Variants in USH2A observed in about 807,000 individuals in gnomAD.
USH2A encodes the protein usherin.
USH2A carries 443 observed loss-of-function variants against 538.9 expected under a neutral mutation model. The observed-to-expected ratio is 0.82, with a 90% confidence interval of 0.76 to 0.89. The LOEUF is 0.89. USH2A is among the 40% of genes least tolerant of loss of function. The probability of loss-of-function intolerance (pLI) is 0.00; values close to 1 mark genes in which losing one functional copy is unlikely to be tolerated. For missense variants in USH2A, 6,633 were observed against 6,324.8 expected (o/e 1.05, Z -1.65); for synonymous variants, 2,413 against 2,273.5 (o/e 1.06, Z -1.75).
intron 9 of USH2A, among the ~76,000 whole-genome samples, chr1:216,298,954 C>T (rs958032892): frequency 6.6e-6 from 1 of 152,000 alleles, no homozygotes; most frequent in Non-Finnish European, 1.5e-5. Flanking sequence ...CATTCTCCTG[C>T]CTCAACCTCC....
At chr1:215,860,422 A>G (rs1664285094) in intron 44 of USH2A, among the ~76,000 whole-genome samples, 1 of 150,600 alleles carries the variant, frequency 6.6e-6, no homozygotes, top group South Asian at 2.1e-4. Flanking sequence ...GGGGAAAAAA[A>G]CAAAAGAAAA....
intron 30 of USH2A, among the ~76,000 whole-genome samples, chr1:216,068,994 G>T (rs990472798): frequency 2.0e-5 from 3 of 152,144 alleles, no homozygotes; most frequent in Non-Finnish European, 4.4e-5. Flanking sequence ...GGGAGGTAAC[G>T]TGTATAGTTT....
At chr1:215,839,728 C>T (rs11120660) in intron 46 of USH2A, among the ~76,000 whole-genome samples, 13,707 of 151,918 alleles carry the variant, frequency 0.09, 650 homozygotes, top group East Asian at 0.19. Flanking sequence ...ATTTCTAGTG[C>T]TAAAACGATA....
chr1:216,010,594 A>C (rs1668536847), intron 32 of USH2A, among the ~76,000 whole-genome samples: 1 of 151,790 alleles, frequency 6.6e-6, no homozygotes, highest in Admixed American at 6.6e-5. Context: ...CTCACTCCAC[A>C]TCACCTTCTT....
At chr1:216,010,830 C>G (rs1007874043) in intron 32 of USH2A, among the ~76,000 whole-genome samples, 2 of 151,920 alleles carry the variant, frequency 1.3e-5, no homozygotes, top group African/African-American at 4.8e-5. Context: ...CTCATTGCTG[C>G]CCCTCTTCCC....
At chr1:215,935,120 T>C (rs1047312451) in intron 37 of USH2A, among the ~76,000 whole-genome samples, 9 of 152,040 alleles carry the variant, frequency 5.9e-5, no homozygotes, top group South Asian at 2.1e-4. Context: ...AATGTAGAAA[T>C]TGATTACTTG....
At chr1:216,084,062 C>A (rs2032037487) in intron 25 of USH2A, among the ~76,000 whole-genome samples, 2 of 152,038 alleles carry the variant, frequency 1.3e-5, no homozygotes, top group African/African-American at 4.8e-5. Context: ...ATTTGATGAA[C>A]AAGCCGGGTG....
intron 32 of USH2A, among the ~76,000 whole-genome samples, chr1:216,045,002 C>A (rs114060748): frequency 6.6e-6 from 1 of 152,252 alleles, no homozygotes; most frequent in Non-Finnish European, 1.5e-5. Context: ...CCTGTCCACA[C>A]GACTTGCTCC....
intron 56 of USH2A, among the ~76,000 whole-genome samples, chr1:215,762,115 A>G (rs1002771243): frequency 2.6e-5 from 4 of 152,192 alleles, no homozygotes; most frequent in African/African-American, 7.2e-5. Flanking sequence ...TTGTTCTGAG[A>G]GTCTGCTCTG....
chr1:216,394,856 C>T (rs975382831), intron 3 of USH2A, among the ~76,000 whole-genome samples: 2 of 151,404 alleles, frequency 1.3e-5, no homozygotes, highest in East Asian at 3.9e-4. Flanking sequence ...GTAGCTGGGA[C>T]TACAGGCGCC....
intron 37 of USH2A, among the ~76,000 whole-genome samples, chr1:215,964,042 C>G (rs918557838): frequency 8.6e-5 from 13 of 152,024 alleles, no homozygotes; most frequent in Admixed American, 2.6e-4. Context: ...CATTTAATAC[C>G]GTTTTGATGG....
At chr1:215,647,782 A>C (rs745951063) in intron 66 of USH2A, 52 bp from the exon 67 acceptor site, 1 of 1,595,574 alleles carries the variant, frequency 6.3e-7, no homozygotes. Flanking sequence ...AATTAGTTTA[A>C]CTCTCTCTTT....
chr1:215,970,844 A>C (rs140961955), intron 35 of USH2A, 68 bp from the exon 36 acceptor site: 1 of 1,476,790 alleles, frequency 6.8e-7, no homozygotes, highest in Non-Finnish European at 9.4e-7. Flanking sequence ...TAAGAAAGCA[A>C]GCACTCTTGA....
intron 43 of USH2A, among the ~76,000 whole-genome samples, chr1:215,872,418 C>A (rs1664646879): frequency 6.6e-6 from 1 of 152,094 alleles, no homozygotes; most frequent in Non-Finnish European, 1.5e-5. Flanking sequence ...GTGAGTGAAA[C>A]TTGAAGCTGT....
At chr1:216,100,790 A>T (rs1571960951) in intron 21 of USH2A, among the ~76,000 whole-genome samples, 1 of 152,360 alleles carries the variant, frequency 6.6e-6, no homozygotes, top group South Asian at 2.1e-4. Context: ...GAATATTTAG[A>T]CAAGATATAC....
intron 37 of USH2A, among the ~76,000 whole-genome samples, chr1:215,960,493 C>A (rs1222433931): frequency 2.0e-5 from 3 of 152,044 alleles, no homozygotes; most frequent in Non-Finnish European, 4.4e-5. Flanking sequence ...GTTGACTATT[C>A]ACCTGTGCAA....
intron 33 of USH2A, 27 bp downstream of exon 33, chr1:216,000,376 T>C (rs1249370843): frequency 5.6e-6 from 9 of 1,613,108 alleles, no homozygotes; most frequent in East Asian, 2.2e-5. Context: ...TGAACCAGCA[T>C]GTGAGAGAGA....
At chr1:215,698,170 T>C (rs373594724) in intron 61 of USH2A, among the ~76,000 whole-genome samples, 1 of 152,362 alleles carries the variant, frequency 6.6e-6, no homozygotes, top group East Asian at 1.9e-4. Flanking sequence ...TTCTTTTTTA[T>C]GGCTGCATAG....
intron 3 of USH2A, among the ~76,000 whole-genome samples, chr1:216,394,336 G>C (rs929681320): frequency 9.2e-5 from 12 of 130,348 alleles, no homozygotes; most frequent in African/African-American, 3.5e-4. Context: ...TATTTATTCA[G>C]AAAACAGTTT....
Sources: allele counts gnomAD v4.1 joint callset (sites outside exome capture counted in the v4.1 genomes callset), GRCh38; gene constraint gnomAD v4.1.1; transcripts MANE v1.5; gene names NCBI Gene and HGNC (gene_info 2026-07-23, HGNC 2026-07-21).